Variants in VPS13C observed in about 807,000 individuals in gnomAD.
The protein encoded by VPS13C is intermembrane lipid transfer protein VPS13C.
Under a neutral mutation model 456.8 loss-of-function variants are expected in VPS13C, and 358 were observed. The ratio of observed to expected loss-of-function variants is 0.78; its 90% CI spans 0.72 to 0.86. VPS13C has a LOEUF of 0.86. Among genes scored for constraint, VPS13C ranks in the 40% least tolerant of loss-of-function variants. The pLI, the probability that VPS13C is intolerant of heterozygous loss-of-function variation, is 0.00. For synonymous variants in VPS13C, 1,578 were observed against 1,486.7 expected, an observed-to-expected ratio of 1.06 and a Z score of -1.41; for missense variants, 4,818 against 4,385.4, an observed-to-expected ratio of 1.10 and a Z score of -2.79.
At chr15:61,891,747 G>C (rs2042657861) in intron 66 of VPS13C, among the ~76,000 whole-genome samples, 1 of 152,060 alleles carries the variant, frequency 6.6e-6, no homozygotes, top group Non-Finnish European at 1.5e-5. Flanking sequence ...GCTTTGAATT[G>C]GTCAGAAATT....
At chr15:62,045,367 A>C (rs190954106) in intron 1 of VPS13C, among the ~76,000 whole-genome samples, 67 of 152,258 alleles carry the variant, frequency 4.4e-4, no homozygotes, top group African/African-American at 1.4e-3. Flanking sequence ...ACACAAGATG[A>C]AAAGGAGGAG....
intron 44 of VPS13C, 67 bp from the exon 45 acceptor site, chr15:61,945,949 A>G: frequency 3.8e-6 from 5 of 1,318,690 alleles, no homozygotes; most frequent in Non-Finnish European, 4.0e-6. Flanking sequence ...ATGTATTATA[A>G]ATAAGTTCTC....
chr15:61,907,049 A>AT lies in VPS13C; in HGVS notation c.9105+214dup, dbSNP rs146884252. ...TACATAGGCAAGATAAAGCAGGTCT[A>AT]TTTTTTAAATTGTAAATAAATTACT... is the stretch of plus-strand genomic sequence containing the variant. On this transcript the variant is annotated intron_variant, in intron 66 of 84. Transcript: ENST00000644861. 0.1 allele frequency: 53,218 copies of AT among 519,320 alleles called. 3,640 individuals carry two copies. Among genetic ancestry groups the AT allele is most frequent in the East Asian group, 0.3 (7,784 of 26,228 alleles). 32.2% of individuals were successfully genotyped at this position (519,320 alleles called of 1,614,324 possible). A position where few individuals can be genotyped will look rare whatever the true frequency, so the allele number is the denominator to read the frequency against.
chr15:62,053,836 C>G (rs1319198361), intron 1 of VPS13C, among the ~76,000 whole-genome samples: 2 of 152,184 alleles, frequency 1.3e-5, no homozygotes, highest in Non-Finnish European at 2.9e-5. Flanking sequence ...GATAAACTGT[C>G]AGGAGTGGGA....
Position 61,969,469 on chromosome 15 carries a change from C to A in VPS13C, c.2758-17G>T. 1 of 1,479,990 alleles carries A rather than the reference C, an allele frequency of 6.8e-7. No individual in the cohort carries two copies. Among genetic ancestry groups the A allele is most frequent in the South Asian group, 1.4e-5 (1 of 71,704 alleles). The allele number at this position is 1,479,990 out of a possible 1,614,324, so 91.7% of individuals were successfully genotyped here. On this transcript the variant is annotated splice_polypyrimidine_tract_variant and intron_variant, in intron 27 of 84. Transcript: ENST00000644861. ...CAAAATCACCTAAAAGAATTAGAGTCAATGAAAAGTTGATAAGAAGTCTGA... is the reference window on the plus strand; with the variant it reads ...CAAAATCACCTAAAAGAATTAGAGTAAATGAAAAGTTGATAAGAAGTCTGA...
At chr15:61,957,261 T>C (rs2045035189) in intron 37 of VPS13C, among the ~76,000 whole-genome samples, 1 of 152,048 alleles carries the variant, frequency 6.6e-6, no homozygotes, top group Non-Finnish European at 1.5e-5. Context: ...AACTAATCTA[T>C]CTATTACAAG....
intron 9 of VPS13C, among the ~76,000 whole-genome samples, chr15:62,016,203 A>G (rs550046334): frequency 5.2e-4 from 79 of 151,338 alleles, no homozygotes; most frequent in African/African-American, 1.8e-3. Context: ...CCCTCTCCAT[A>G]TAAGTAGTCA....
At chr15:61,908,499 T>C (rs1057362865) in intron 65 of VPS13C, among the ~76,000 whole-genome samples, 11 of 152,078 alleles carry the variant, frequency 7.2e-5, no homozygotes, top group South Asian at 4.1e-4. Context: ...GCCAATGATA[T>C]ACATTCAACA....
At chr15:61,946,253 C>A in intron 44 of VPS13C, 54 bp downstream of exon 44, 1 of 1,368,712 alleles carries the variant, frequency 7.3e-7, no homozygotes. Context: ...ATAATAGCAT[C>A]TCAAATCCAA....
chr15:61,918,292 GAT>G, intron 58 of VPS13C, 35 bp from the exon 59 acceptor site: 1 of 1,492,216 alleles, frequency 6.7e-7, no homozygotes, highest in Non-Finnish European at 8.9e-7. Context: ...TTTTTTAAAA[GAT>G]ATGTAAGTTC....
chr15:61,919,955 C>T (rs1489500761), intron 57 of VPS13C, 112 bp downstream of exon 57: 10 of 1,089,176 alleles, frequency 9.2e-6, no homozygotes, highest in African/African-American at 1.6e-5. Context: ...TTATATGTTT[C>T]AAATGTTGTA....
rs1894067673 is a variant in VPS13C, at chr15:61,858,781, G to A, written c.10953-2372C>T. Among the ~76,000 whole-genome samples the A allele has an allele frequency of 6.6e-6, 1 of 152,192 alleles. No homozygotes were observed. Among genetic ancestry groups the A allele is most frequent in the Non-Finnish European group, 1.5e-5 (1 of 68,028 alleles). ...AGGAGCTAAGAGCAGCTCGCTGGCTGACAGAGGTCAAAGAAACAGGGATCT... is the reference window on the plus strand; with the variant it reads ...AGGAGCTAAGAGCAGCTCGCTGGCTAACAGAGGTCAAAGAAACAGGGATCT... On this transcript the variant is annotated intron_variant, in intron 82 of 84. Transcript: ENST00000644861. The surrounding 1 kb of genome is among the most constrained non-coding windows in gnomAD (Gnocchi z 4.4).
chr15:62,015,429 C>A (rs1187861609), intron 9 of VPS13C, among the ~76,000 whole-genome samples: 1 of 151,876 alleles, frequency 6.6e-6, no homozygotes, highest in African/African-American at 2.4e-5. Flanking sequence ...AGTCCTTGCC[C>A]ACGCCTATGT....
rs1567039499 is a variant in VPS13C at position 61,951,038 on chromosome 15, A to T, written c.4457-14T>A. 1 of 1,526,900 alleles carries T rather than the reference A, an allele frequency of 6.5e-7. No individual in the cohort carries two copies. Among genetic ancestry groups the T allele is most frequent in the Non-Finnish European group, 8.9e-7 (1 of 1,123,284 alleles). The allele number at this position is 1,526,900 out of a possible 1,614,324, so 94.6% of individuals were successfully genotyped here. ...CCCCTTTAGAGTCTAAAAGAGAAAA[A>T]AGACAAAGTTGATCCATCAATTAAA... On this transcript the variant is annotated splice_polypyrimidine_tract_variant and intron_variant, in intron 39 of 84. Coordinates refer to ENST00000644861, the MANE Select transcript of VPS13C (RefSeq NM_020821.3).
rs1281804106 is a variant in VPS13C at position 62,008,702 on chromosome 15, A to G, written c.1071T>C (p.Tyr357=). The G allele has an allele frequency of 6.2e-7, 1 of 1,609,228 alleles. No homozygotes were observed. Among genetic ancestry groups the G allele is most frequent in the Admixed American group, 1.7e-5 (1 of 59,688 alleles). The change falls in exon 14 of 85, where the codon TAT becomes TAC. Residue 357 remains tyrosine, a synonymous_variant. Coordinates refer to ENST00000644861, the MANE Select transcript of VPS13C (RefSeq NM_020821.3). ...SVDYMVRNAP[Y]RKYKPYLPLH... is the part of the protein sequence containing the mutation. ...GTGGTAAATAAGGCTTGTATTTCCT[A>G]TAAGGCGCATTCCTAACCATATAAT...
intron 6 of VPS13C, among the ~76,000 whole-genome samples, chr15:62,026,627 A>G (rs947163471): frequency 1.3e-5 from 2 of 152,062 alleles, no homozygotes; most frequent in African/African-American, 4.8e-5. Context: ...GGCTTTCCAG[A>G]AAAAAAGCAA....
intron 38 of VPS13C, 61 bp from the exon 39 acceptor site, chr15:61,952,041 A>G: frequency 6.4e-7 from 1 of 1,556,232 alleles, no homozygotes; most frequent in Non-Finnish European, 8.7e-7. Flanking sequence ...AAGGTAAGTC[A>G]AGAATTTAAT....
At chr15:61,929,182 G>C (rs2043969837) in intron 51 of VPS13C, among the ~76,000 whole-genome samples, 1 of 152,040 alleles carries the variant, frequency 6.6e-6, no homozygotes, top group African/African-American at 2.4e-5. Flanking sequence ...TTCTCAACAT[G>C]TTTTCTTTGA....
intron 66 of VPS13C, chr15:61,907,011 T>TA (rs1386755362): frequency 2.7e-6 from 1 of 376,116 alleles, no homozygotes; most frequent in Non-Finnish European, 4.8e-6. Flanking sequence ...GTAAATTAAT[T>TA]AAAAAGGTGC....
Sources: gnomAD v4.1 joint callset for allele counts (sites outside exome capture counted in the v4.1 genomes callset) on GRCh38, gnomAD v4.1.1 for gene constraint, Gnocchi (gnomAD v3.1) non-coding constraint, MANE v1.5 for transcripts, NCBI Gene and HGNC (gene_info 2026-07-23, HGNC 2026-07-21) for gene names.